SUSD3: variants seen among roughly 807,000 people sequenced by gnomAD.
The protein encoded by SUSD3 is sushi domain containing 3.
Under a neutral mutation model 20.6 loss-of-function variants are expected in SUSD3, and 18 were observed. The observed-to-expected ratio is 0.87, with a 90% CI of 0.60 to 1.30. The LOEUF (loss-of-function observed/expected upper bound fraction) is 1.30, where lower values mean the gene tolerates loss of function less well. Among genes scored for constraint, SUSD3 ranks in the 50% most tolerant of loss-of-function variants. The pLI, the probability that SUSD3 is intolerant of heterozygous loss-of-function variation, is 0.00. For synonymous variants in SUSD3, 137 were observed against 141.5 expected (o/e 0.97, Z 0.23); for missense variants, 306 against 346.9 (o/e 0.88, Z 0.94).
intron 3 of SUSD3, among the ~76,000 whole-genome samples, chr9:93,078,304 G>A (rs1285241249): frequency 4.6e-5 from 7 of 152,020 alleles, no homozygotes; most frequent in Admixed American, 2.0e-4. Flanking sequence ...TCACCCAGGC[G>A]ACAGAGTACA....
chr9:93,075,208 T>C (rs1156261750), intron 1 of SUSD3, among the ~76,000 whole-genome samples: 3 of 152,190 alleles, frequency 2.0e-5, no homozygotes, highest in African/African-American at 7.2e-5. Context: ...GTTGGTTTTT[T>C]TTAAACTGAA....
chr9:93,068,086 T>G (rs964470140), intron 1 of SUSD3, among the ~76,000 whole-genome samples: 1 of 152,240 alleles, frequency 6.6e-6, no homozygotes, highest in Admixed American at 6.5e-5. Context: ...TTGTAATAAT[T>G]CTTTATATGT....
Position 93,084,668 on chromosome 9 carries a change from CA to C in SUSD3, c.692del (p.Asn231ThrfsTer24). The C allele has an allele frequency of 6.2e-7, 1 of 1,607,276 alleles. No individual in the cohort carries two copies. The highest frequency in any genetic ancestry group is 1.1e-5 in the South Asian group (1 of 89,700). ...CAAGCCCAGGTGATGGTGCACATGG[CA>C]AACCCCAGACAGCCCCTGCCTGCCT... ...SPQAQVMVHM[A>X]NPRQPLPASG... is the part of the protein sequence containing the mutation. On this transcript the variant is annotated frameshift_variant, in exon 5 of 5. Transcript: ENST00000375472. LOFTEE classifies it low-confidence loss of function (END_TRUNC).
At chr9:93,065,645 C>T (rs1210023831) in intron 1 of SUSD3, among the ~76,000 whole-genome samples, 1 of 152,200 alleles carries the variant, frequency 6.6e-6, no homozygotes, top group Non-Finnish European at 1.5e-5. Context: ...TGCCAGGGCT[C>T]CAGAATCCCA....
chr9:93,076,300 A>G (rs1012522473), intron 2 of SUSD3, among the ~76,000 whole-genome samples: 1 of 142,430 alleles, frequency 7.0e-6, no homozygotes, highest in Non-Finnish European at 1.5e-5. Flanking sequence ...TAAGCAGGAA[A>G]CTATGTTTGT....
In SUSD3 at chr9:93,084,688, C is replaced by T. The variant is rs771998000; in HGVS notation, c.709C>T (p.Pro237Ser). 1 of 1,603,962 alleles carries T rather than the reference C, an allele frequency of 6.2e-7. No homozygotes were observed. Among genetic ancestry groups the T allele is most frequent in the African/African-American group, 1.3e-5 (1 of 74,894 alleles). Residue 237 changes from proline to serine, a missense_variant, in exon 5 of 5, where the codon CCT (proline) becomes TCT (serine). Pro to Ser is a moderately conservative substitution (Grantham distance 74). Transcript: ENST00000375472. ...CATGGCAAACCCCAGACAGCCCCTGCCTGCCTCTGGGCTGGCCACAGGAAT... is the reference window on the plus strand; with the variant it reads ...CATGGCAAACCCCAGACAGCCCCTGTCTGCCTCTGGGCTGGCCACAGGAAT... ...VHMANPRQPL[P>S]ASGLATGMPQ...
intron 2 of SUSD3, among the ~76,000 whole-genome samples, chr9:93,077,640 C>T (rs1316898156): frequency 1.3e-5 from 2 of 152,126 alleles, no homozygotes; most frequent in Non-Finnish European, 2.9e-5. Context: ...TCTGATAGTC[C>T]CACCTCCAAA....
chr9:93,075,750 C>CCT, intron 1 of SUSD3, 34 bp from the exon 2 acceptor site: 1 of 230,194 alleles, frequency 4.3e-6, no homozygotes, highest in African/African-American at 2.9e-5. Flanking sequence ...ACCCCCCCCC[C>CCT]CCCGCCATGC....
intron 1 of SUSD3, among the ~76,000 whole-genome samples, chr9:93,070,243 C>T (rs1255542048): frequency 6.6e-6 from 1 of 152,228 alleles, no homozygotes; most frequent in Non-Finnish European, 1.5e-5. Flanking sequence ...GGCTCCCTCC[C>T]TGCTATCAGT....
intron 1 of SUSD3, among the ~76,000 whole-genome samples, chr9:93,072,673 C>A: frequency 6.6e-6 from 1 of 152,196 alleles, no homozygotes; most frequent in South Asian, 2.1e-4. Context: ...TGCCTGGGCA[C>A]ACAGCCAGCC....
In SUSD3 at chr9:93,060,083, C is replaced by T. The variant is rs76100492; in HGVS notation, c.88+1253C>T. Among the ~76,000 whole-genome samples the T allele has an allele frequency of 4.7e-3, 721 of 152,310 alleles. 7 individuals carry two copies. The highest frequency in any genetic ancestry group is 0.016 in the African/African-American group (682 of 41,558). ...TAGCCTTGACTTGCCCAAGGTCAGC[C>T]CAAGGCCAGGGAGTATCTGGAGGCT... On this transcript the variant is annotated intron_variant, in intron 1 of 4. Coordinates refer to ENST00000375472, the MANE Select transcript of SUSD3 (RefSeq NM_145006.4).
chr9:93,075,750 C>CCCCCCCCCCCCCCCCCCCCCCCCCCCT, intron 1 of SUSD3, 34 bp from the exon 2 acceptor site: 1 of 230,194 alleles, frequency 4.3e-6, no homozygotes, highest in Non-Finnish European at 8.4e-6. Flanking sequence ...ACCCCCCCCC[C>CCCCCCCCCCCCCCCCCCCCCCCCCCCT]CCCGCCATGC....
chr9:93,077,568 T>G (rs1248441580), intron 2 of SUSD3, among the ~76,000 whole-genome samples: 1 of 152,118 alleles, frequency 6.6e-6, no homozygotes, highest in Non-Finnish European at 1.5e-5. Flanking sequence ...CCCCTTTAAA[T>G]AGCCACTCTG....
chr9:93,071,094 A>G (rs976434891), intron 1 of SUSD3, among the ~76,000 whole-genome samples: 2 of 152,136 alleles, frequency 1.3e-5, no homozygotes, highest in Non-Finnish European at 2.9e-5. Flanking sequence ...TTAGGATCCG[A>G]GAGGTTGGTC....
chr9:93,067,596 GT>G (rs1230509528), intron 1 of SUSD3, among the ~76,000 whole-genome samples: 2 of 149,658 alleles, frequency 1.3e-5, no homozygotes, highest in Non-Finnish European at 3.0e-5. Flanking sequence ...CGTATTGTCT[GT>G]CTTTTTTTTT....
At chr9:93,083,071 G>A (rs948566734) in intron 4 of SUSD3, among the ~76,000 whole-genome samples, 1 of 152,256 alleles carries the variant, frequency 6.6e-6, no homozygotes, top group South Asian at 2.1e-4. Context: ...CCTCTGGGGA[G>A]TGAGAGAGCC....
Position 93,076,423 on chromosome 9 carries a change from C to T in SUSD3, c.277+451C>T, listed in dbSNP as rs532817212. ...GTACTGGCAACACGGAAGGTCATAA[C>T]GTGCCTGGCCCTGGAGCTCCCAGTC... On this transcript the variant is annotated intron_variant, in intron 2 of 4. Transcript: ENST00000375472. Among the ~76,000 whole-genome samples, 5 of 152,290 alleles carry T rather than the reference C, an allele frequency of 3.3e-5. No homozygotes were observed. The South Asian group carries it at 6.2e-4, about 19-fold the overall frequency.
At chr9:93,069,527 G>A (rs1188887003) in intron 1 of SUSD3, among the ~76,000 whole-genome samples, 1 of 152,180 alleles carries the variant, frequency 6.6e-6, no homozygotes, top group Non-Finnish European at 1.5e-5. Flanking sequence ...TTCAGAGTAT[G>A]TGTTTTGCAC....
intron 1 of SUSD3, among the ~76,000 whole-genome samples, chr9:93,066,905 A>T (rs1340383097): frequency 6.6e-6 from 1 of 151,820 alleles, no homozygotes; most frequent in Non-Finnish European, 1.5e-5. Context: ...ATGGGGTTTC[A>T]CCGTGTTGGC....
Sources: gnomAD v4.1 joint callset for allele counts (sites outside exome capture counted in the v4.1 genomes callset) on GRCh38, gnomAD v4.1.1 for gene constraint, MANE v1.5 for transcripts, NCBI Gene and HGNC (gene_info 2026-07-23, HGNC 2026-07-21) for gene names.